ZFPM2: variants seen among roughly 807,000 people sequenced by gnomAD.
The protein encoded by ZFPM2 is zinc finger protein, FOG family member 2.
ZFPM2 carries 20 observed loss-of-function variants against 98.6 expected under a neutral mutation model. The ratio of observed to expected loss-of-function variants is 0.20; its 90% CI spans 0.14 to 0.29. ZFPM2 has a LOEUF of 0.29. ZFPM2 is among the 10% of genes least tolerant of loss of function. The pLI, the probability that ZFPM2 is intolerant of heterozygous loss-of-function variation, is 1.00. For missense variants in ZFPM2, 1,310 were observed against 1,388.6 expected, an observed-to-expected ratio of 0.94 and a Z score of 0.90; for synonymous variants, 518 against 502.7, an observed-to-expected ratio of 1.03 and a Z score of -0.41.
intron 4 of ZFPM2, among the ~76,000 whole-genome samples, chr8:105,563,179 C>G (rs1360132314): frequency 1.3e-5 from 2 of 152,140 alleles, no homozygotes; most frequent in Non-Finnish European, 2.9e-5. Flanking sequence ...ACATTACATT[C>G]CTTTTTTGAT....
intron 4 of ZFPM2, among the ~76,000 whole-genome samples, chr8:105,619,964 G>C (rs1586154620): frequency 6.6e-6 from 1 of 151,986 alleles, no homozygotes; most frequent in South Asian, 2.1e-4. Context: ...CAAGTCTTTG[G>C]TCTTGTGAAT....
intron 4 of ZFPM2, among the ~76,000 whole-genome samples, chr8:105,607,432 C>T (rs1324470951): frequency 1.3e-5 from 2 of 152,170 alleles, no homozygotes; most frequent in East Asian, 3.9e-4. Context: ...TGAACACCCC[C>T]TCTCACTTTC....
intron 5 of ZFPM2, among the ~76,000 whole-genome samples, chr8:105,745,609 A>C (rs1812324695): frequency 6.6e-6 from 1 of 152,084 alleles, no homozygotes; most frequent in East Asian, 1.9e-4. Context: ...CACTTTTGAG[A>C]AATATAATAA....
intron 5 of ZFPM2, among the ~76,000 whole-genome samples, chr8:105,706,591 T>G (rs1811269021): frequency 6.6e-6 from 1 of 151,896 alleles, no homozygotes; most frequent in South Asian, 2.1e-4. Context: ...TGTTTTTGGG[T>G]TTTTTTTGGA....
At chr8:105,401,172 C>A (rs1811333311) in intron 1 of ZFPM2, among the ~76,000 whole-genome samples, 1 of 150,734 alleles carries the variant, frequency 6.6e-6, no homozygotes, top group Non-Finnish European at 1.5e-5. Context: ...AAGATTAATT[C>A]TAGGAGTTTT....
intron 1 of ZFPM2, among the ~76,000 whole-genome samples, chr8:105,372,707 G>A (rs1232032580): frequency 6.6e-6 from 1 of 152,018 alleles, no homozygotes; most frequent in African/African-American, 2.4e-5. Flanking sequence ...GTTTCTTAAA[G>A]GGCAGTGAAT....
At chr8:105,488,221 G>A (rs1009294846) in intron 3 of ZFPM2, among the ~76,000 whole-genome samples, 1 of 152,232 alleles carries the variant, frequency 6.6e-6, no homozygotes. Flanking sequence ...GCTTATATAC[G>A]AAAGGTTATC....
intron 5 of ZFPM2, among the ~76,000 whole-genome samples, chr8:105,651,794 A>C (rs748093901): frequency 1.3e-5 from 2 of 152,218 alleles, no homozygotes; most frequent in African/African-American, 2.4e-5. Context: ...ATTATGCATC[A>C]TTCAACAGAA....
chr8:105,650,930 T>C (rs1013327109), intron 5 of ZFPM2, among the ~76,000 whole-genome samples: 15 of 152,214 alleles, frequency 9.9e-5, no homozygotes, highest in Non-Finnish European at 1.5e-5. Context: ...CCTTTTCTTA[T>C]GCAAGCTTCT....
chr8:105,524,578 C>T (rs1814132568), intron 3 of ZFPM2, among the ~76,000 whole-genome samples: 1 of 152,078 alleles, frequency 6.6e-6, no homozygotes, highest in African/African-American at 2.4e-5. Flanking sequence ...GCAAGGTACC[C>T]TTTCTTTACT....
chr8:105,803,211 A>G lies in ZFPM2; in HGVS notation c.3129A>G (p.Ile1043Met), dbSNP rs1563575436. The G allele has an allele frequency of 1.2e-6, 2 of 1,613,098 alleles. No homozygotes were observed. Among genetic ancestry groups the G allele is most frequent in the Non-Finnish European group, 8.5e-7 (1 of 1,179,306 alleles). ...PLLPKNRGMVIVNGGLKQDER... is the reference protein window; with the variant it reads ...PLLPKNRGMVMVNGGLKQDER... The stretch of plus-strand genomic sequence containing the variant: ...TGCCCAAAAATCGAGGAATGGTAAT[A>G]GTGAATGGTGGACTGAAACAAGATG... The change falls in exon 8 of 8, where the codon ATA becomes ATG. Residue 1043 changes from isoleucine (I) to methionine (M), a missense_variant. Ile to Met is a conservative substitution (Grantham distance 10). Coordinates refer to ENST00000407775, the MANE Select transcript of ZFPM2 (RefSeq NM_012082.4).
In ZFPM2 at chr8:105,480,632, A is replaced by G. The variant is rs570445736; in HGVS notation, c.301+36251A>G. ...CTAGAATGTAAAATTAATTCAAGAAAAAAAGGCATATTCTGCAAAAGTTGA... is the reference window on the plus strand; with the variant it reads ...CTAGAATGTAAAATTAATTCAAGAAGAAAAGGCATATTCTGCAAAAGTTGA... On this transcript the variant is annotated intron_variant, in intron 3 of 7. Coordinates refer to ENST00000407775, the MANE Select transcript of ZFPM2 (RefSeq NM_012082.4). Among the ~76,000 whole-genome samples, 8 of 152,370 alleles carry G rather than the reference A, an allele frequency of 5.3e-5. No homozygotes were observed. In the South Asian group the frequency reaches 1.7e-3, roughly 32 times the overall value.
intron 3 of ZFPM2, among the ~76,000 whole-genome samples, chr8:105,550,488 C>T (rs1814825556): frequency 6.6e-6 from 1 of 152,020 alleles, no homozygotes; most frequent in South Asian, 2.1e-4. Flanking sequence ...GAGCCCTAGC[C>T]CAATCAATAT....
chr8:105,376,724 A>G (rs1580355), intron 1 of ZFPM2, among the ~76,000 whole-genome samples: 71,918 of 151,982 alleles, frequency 0.47, 18,110 homozygotes, highest in Admixed American at 0.59. Flanking sequence ...CTCTAAAAAT[A>G]TCTTCTGAAT....
chr8:105,798,630 C>A, intron 6 of ZFPM2, 94 bp from the exon 7 acceptor site: 1 of 1,025,656 alleles, frequency 9.7e-7, no homozygotes, highest in Middle Eastern at 3.1e-4. Flanking sequence ...AACCTGAGAG[C>A]GGAGTCTGAG....
Position 105,464,610 on chromosome 8 carries a change from T to G in ZFPM2, c.301+20229T>G, listed in dbSNP as rs1481939027. On this transcript the variant is annotated intron_variant, in intron 3 of 7. Coordinates refer to ENST00000407775, the MANE Select transcript of ZFPM2 (RefSeq NM_012082.4). ...TAAGTGTATGGATGCAGATTAGGCC[T>G]CAGAAGATGAGGGTGTAAAAGGGAT... Among the ~76,000 whole-genome samples the G allele has an allele frequency of 5.3e-5, 8 of 152,068 alleles. No homozygotes were observed. In the South Asian group the frequency reaches 8.3e-4, roughly 16 times the overall value.
chr8:105,444,543 T>G (rs1448777158), intron 3 of ZFPM2, among the ~76,000 whole-genome samples, 162 bp downstream of exon 3: 3 of 152,218 alleles, frequency 2.0e-5, no homozygotes, highest in Admixed American at 1.3e-4. Flanking sequence ...CTTCTTAGAT[T>G]TTTGTTATAT....
intron 4 of ZFPM2, among the ~76,000 whole-genome samples, chr8:105,578,995 A>C (rs1466129123): frequency 6.6e-6 from 1 of 152,170 alleles, no homozygotes; most frequent in Non-Finnish European, 1.5e-5. Context: ...TATTTATTAA[A>C]TCATAAGTAA....
intron 5 of ZFPM2, among the ~76,000 whole-genome samples, chr8:105,644,995 T>G (rs182221987): frequency 4.0e-4 from 61 of 152,322 alleles, no homozygotes; most frequent in African/African-American, 1.3e-3. Context: ...TATTTGATAT[T>G]TGATTATTGA....
Sources: allele counts gnomAD v4.1 joint callset (sites outside exome capture counted in the v4.1 genomes callset), GRCh38; gene constraint gnomAD v4.1.1; transcripts MANE v1.5; gene names NCBI Gene and HGNC (gene_info 2026-07-23, HGNC 2026-07-21).